The following NELL1 variants were observed in gnomAD, a reference collection of about 807,000 sequenced individuals.
NELL1 encodes protein kinase C-binding protein NELL1.
Under a neutral mutation model 107.4 loss-of-function variants are expected in NELL1, and 76 were observed. The observed-to-expected ratio is 0.71, with a 90% CI of 0.59 to 0.86. NELL1 has a LOEUF of 0.86. Among genes scored for constraint, NELL1 ranks in the 40% least tolerant of loss-of-function variants. The pLI is 0.00. For missense variants in NELL1, 1,024 were observed against 1,005.5 expected, an observed-to-expected ratio of 1.02 and a Z score of -0.25; for synonymous variants, 353 against 341.2, an observed-to-expected ratio of 1.03 and a Z score of -0.38.
intron 13 of NELL1, among the ~76,000 whole-genome samples, chr11:21,164,565 C>G (rs909712044): frequency 2.1e-4 from 32 of 152,136 alleles, no homozygotes; most frequent in Non-Finnish European, 7.3e-5. Flanking sequence ...ACACTAGATA[C>G]TACATTTTTA....
intron 13 of NELL1, among the ~76,000 whole-genome samples, chr11:21,215,895 T>C (rs1434648049): frequency 1.3e-5 from 2 of 152,122 alleles, no homozygotes; most frequent in African/African-American, 4.8e-5. Flanking sequence ...CTGCAGAAAT[T>C]TGCATAAGTA....
intron 12 of NELL1, among the ~76,000 whole-genome samples, chr11:21,059,510 T>TAAGA (rs1379999678): frequency 5.9e-5 from 9 of 152,260 alleles, no homozygotes; most frequent in Admixed American, 5.9e-4. Flanking sequence ...GGCATCCCAA[T>TAAGA]AAGAAAGTAT....
chr11:21,300,242 C>G (rs1849464762), intron 14 of NELL1, among the ~76,000 whole-genome samples: 1 of 151,846 alleles, frequency 6.6e-6, no homozygotes, highest in Non-Finnish European at 1.5e-5. Flanking sequence ...GTTGAAGGAA[C>G]AGCAAAGGCA....
intron 12 of NELL1, among the ~76,000 whole-genome samples, chr11:21,010,339 G>A (rs1309754652): frequency 6.6e-6 from 1 of 151,856 alleles, no homozygotes; most frequent in Non-Finnish European, 1.5e-5. Context: ...CTTATAGTGA[G>A]GATTCAGCTT....
intron 3 of NELL1, among the ~76,000 whole-genome samples, chr11:20,814,609 T>A (rs1857583167): frequency 6.6e-6 from 1 of 152,258 alleles, no homozygotes; most frequent in Non-Finnish European, 1.5e-5. Context: ...TACGTCCATG[T>A]TGCTATAAAG....
chr11:21,553,415 A>G (rs1290623248), intron 16 of NELL1, among the ~76,000 whole-genome samples: 1 of 151,832 alleles, frequency 6.6e-6, no homozygotes, highest in East Asian at 1.9e-4. Flanking sequence ...GAACTGTTTA[A>G]TTCTAAGAAA....
intron 15 of NELL1, among the ~76,000 whole-genome samples, chr11:21,385,221 A>G (rs1050232228): frequency 6.6e-6 from 1 of 151,828 alleles, no homozygotes. Flanking sequence ...TAAACTCCAG[A>G]AGGGCAGGGG....
intron 3 of NELL1, among the ~76,000 whole-genome samples, chr11:20,795,020 T>C (rs1394861424): frequency 6.6e-6 from 1 of 152,200 alleles, no homozygotes; most frequent in East Asian, 1.9e-4. Context: ...CTGTTTCCAA[T>C]CTCTGCTAGG....
At chr11:20,778,181 C>A (rs973508968) in intron 2 of NELL1, among the ~76,000 whole-genome samples, 2 of 152,066 alleles carry the variant, frequency 1.3e-5, no homozygotes, top group Non-Finnish European at 2.9e-5. Context: ...TGATGTTATC[C>A]CCAATCTCTA....
At chr11:21,007,360 A>C (rs1000154093) in intron 12 of NELL1, among the ~76,000 whole-genome samples, 3 of 151,260 alleles carry the variant, frequency 2.0e-5, no homozygotes, top group African/African-American at 7.3e-5. Context: ...ATTCACAACC[A>C]ATGTGTATGT....
chr11:21,563,855 G>C (rs1191277033), intron 17 of NELL1, among the ~76,000 whole-genome samples: 1 of 151,934 alleles, frequency 6.6e-6, no homozygotes, highest in East Asian at 1.9e-4. Context: ...AAAGGATGAG[G>C]AATTTAATCA....
chr11:21,238,565 G>T (rs1858268793), intron 14 of NELL1, among the ~76,000 whole-genome samples: 3 of 152,044 alleles, frequency 2.0e-5, no homozygotes. Flanking sequence ...GGCAAAATGA[G>T]CTTCAAAGGA....
At chr11:21,565,855 C>G (rs1342348624) in intron 17 of NELL1, among the ~76,000 whole-genome samples, 1 of 151,800 alleles carries the variant, frequency 6.6e-6, no homozygotes, top group Non-Finnish European at 1.5e-5. Context: ...GACTAAGAGA[C>G]CAGTTTGTGG....
chr11:21,460,922 T>C (rs949267200), intron 15 of NELL1, among the ~76,000 whole-genome samples: 7 of 152,084 alleles, frequency 4.6e-5, no homozygotes, highest in African/African-American at 1.7e-4. Flanking sequence ...GTGATTGGGG[T>C]AATATAATTT....
chr11:20,865,794 G>C (rs141081727), intron 4 of NELL1, among the ~76,000 whole-genome samples: 38 of 152,038 alleles, frequency 2.5e-4, no homozygotes, highest in Non-Finnish European at 4.7e-4. Flanking sequence ...CACAGTTTAT[G>C]TACTCCTTGC....
intron 12 of NELL1, among the ~76,000 whole-genome samples, chr11:21,010,150 T>A (rs1852415555): frequency 6.6e-6 from 1 of 152,028 alleles, no homozygotes. Flanking sequence ...TGTATTAATA[T>A]GATATGTGTT....
At chr11:21,422,752 C>T (rs568139752) in intron 15 of NELL1, among the ~76,000 whole-genome samples, 1 of 151,476 alleles carries the variant, frequency 6.6e-6, no homozygotes, top group South Asian at 2.1e-4. Flanking sequence ...AAACAAAACA[C>T]AGTAATATAG....
At chr11:20,740,110 G>A (rs539346686) in intron 2 of NELL1, among the ~76,000 whole-genome samples, 2 of 152,270 alleles carry the variant, frequency 1.3e-5, no homozygotes, top group East Asian at 3.9e-4. Context: ...CTTATTGAGT[G>A]CAGACCACAT....
chr11:21,141,756 T>G (rs952063235), intron 13 of NELL1, among the ~76,000 whole-genome samples: 2 of 151,322 alleles, frequency 1.3e-5, no homozygotes, highest in Admixed American at 6.6e-5. Flanking sequence ...TTTATTTATT[T>G]ATTTATTTAT....
Sources: allele counts gnomAD v4.1 joint callset (sites outside exome capture counted in the v4.1 genomes callset), GRCh38; gene constraint gnomAD v4.1.1; transcripts MANE v1.5; gene names NCBI Gene and HGNC (gene_info 2026-07-23, HGNC 2026-07-21).